Variants in MS4A4A observed in about 807,000 individuals in gnomAD.
MS4A4A encodes membrane-spanning 4-domains subfamily A member 4A.
MS4A4A carries 26 observed loss-of-function variants against 28.0 expected under a neutral mutation model. The ratio of observed to expected loss-of-function variants is 0.93; its 90% CI spans 0.68 to 1.29. The LOEUF (loss-of-function observed/expected upper bound fraction) is 1.29, where lower values mean the gene tolerates loss of function less well. Ranked by LOEUF, MS4A4A falls within the 50% of genes most tolerant of loss-of-function variation. The probability of loss-of-function intolerance (pLI) is 0.00; values close to 1 mark genes in which losing one functional copy is unlikely to be tolerated. For synonymous variants in MS4A4A, 86 were observed against 100.8 expected, an observed-to-expected ratio of 0.85 and a Z score of 0.88; for missense variants, 290 against 293.1, an observed-to-expected ratio of 0.99 and a Z score of 0.08.
intron 1 of MS4A4A, 129 bp downstream of exon 1, chr11:60,280,845 G>A (rs1000137497): frequency 1.5e-5 from 15 of 1,032,980 alleles, no homozygotes; most frequent in Admixed American, 2.4e-5. Context: ...CTGGTATTCA[G>A]GGTTGGGGTG....
chr11:60,280,844 AG>A, intron 1 of MS4A4A, 128 bp downstream of exon 1: 6 of 1,123,862 alleles, frequency 5.3e-6, no homozygotes, highest in Non-Finnish European at 6.4e-6. Context: ...GCTGGTATTC[AG>A]GGTTGGGGTG....
chr11:60,282,737 G>A (rs767809152), intron 1 of MS4A4A: 145 of 1,269,778 alleles, frequency 1.1e-4, no homozygotes, highest in South Asian at 2.8e-4. Context: ...AGAGAGATTC[G>A]AGGTAAGACT....
At chr11:60,307,480 C>T (rs755574350) in intron 6 of MS4A4A, among the ~76,000 whole-genome samples, 7 of 152,108 alleles carry the variant, frequency 4.6e-5, no homozygotes, top group Non-Finnish European at 8.8e-5. Context: ...CAAACTCTTT[C>T]GTAAGTTTCA....
At position 60,297,300 on chromosome 11, in the gene MS4A4A, G is replaced by T. The variant is rs1157326113; in HGVS notation, c.305G>T (p.Gly102Val). Reference sequence around the variant, plus strand: ...AGTAACCCTATTTCCGTGTATATCGGGTACACAATTTGGGGGTCAGTAATG... The same window carrying T: ...AGTAACCCTATTTCCGTGTATATCGTGTACACAATTTGGGGGTCAGTAATG... ...YGSNPISVYI[G>V]YTIWGSVMFI... The change falls in exon 3 of 7, where the codon GGG (glycine) becomes GTG (valine). Residue 102 changes from glycine (G) to valine (V), a missense_variant. Physicochemically the swap from Gly to Val is moderately radical, Grantham distance 109 (BLOSUM62 -3). Transcript: ENST00000337908. 1.2e-6 allele frequency: 2 copies of T among 1,613,196 alleles called. No individual in the cohort carries two copies. The highest frequency in any genetic ancestry group is 2.2e-5 in the East Asian group (1 of 44,868).
rs959383724 is a variant in MS4A4A, at chr11:60,308,321, CTG to C, written c.*151_*152del. 21 of 721,178 alleles carry C rather than the reference CTG, an allele frequency of 2.9e-5. No individual in the cohort carries two copies. The African/African-American group carries it at 3.0e-4, about 10-fold the overall frequency. 44.7% of individuals were successfully genotyped at this position (721,178 alleles called of 1,614,324 possible). On this transcript the variant is annotated 3_prime_UTR_variant, in exon 7 of 7. Transcript: ENST00000337908. ...TTATTATATGTAATCCAATTATGAACTGTGTGTGTATAGAGAGATAATAAATT... is the reference window on the plus strand; with the variant it reads ...TTATTATATGTAATCCAATTATGAACTGTGTGTATAGAGAGATAATAAATT...
At chr11:60,294,892 ACTTCTTCTTCTTCTTCTT>A (rs71036569) in intron 2 of MS4A4A, among the ~76,000 whole-genome samples, 1,847 of 130,902 alleles carry the variant, frequency 0.014, 41 homozygotes, top group Admixed American at 0.045. Context: ...TACAACTACT[ACTTCTTCTTCTTCTTCTT>A]CTTCTTCTTC....
chr11:60,301,267 C>T lies in MS4A4A; in HGVS notation c.387+210C>T, dbSNP rs112460988. 3.7e-3 allele frequency among the ~76,000 whole-genome samples: 563 copies of T among 152,196 alleles called. 3 individuals carry two copies. Among genetic ancestry groups the T allele is most frequent in the African/African-American group, 0.013 (550 of 41,540 alleles). On this transcript the variant is annotated intron_variant, in intron 4 of 6. Transcript: ENST00000337908. ...TATTTTGGCAAGGTAGGGAATCTTACGCTTGTGGAGGGAATCTTTTTGAAG... is the reference window on the plus strand; with the variant it reads ...TATTTTGGCAAGGTAGGGAATCTTATGCTTGTGGAGGGAATCTTTTTGAAG...
At chr11:60,297,356 G>A (rs1163298865) in intron 3 of MS4A4A, 31 bp downstream of exon 3, 27 of 1,609,280 alleles carry the variant, frequency 1.7e-5, no homozygotes, top group Non-Finnish European at 2.2e-5. Flanking sequence ...TATAATTGAA[G>A]ATAACATAAA....
chr11:60,290,995 C>G (rs1014809349), intron 1 of MS4A4A, among the ~76,000 whole-genome samples: 4 of 151,784 alleles, frequency 2.6e-5, no homozygotes, highest in Non-Finnish European at 5.9e-5. Flanking sequence ...TAAGTGGTAT[C>G]AAAATTAACT....
intron 5 of MS4A4A, among the ~76,000 whole-genome samples, chr11:60,303,511 C>CA (rs1197610719): frequency 2.4e-4 from 36 of 152,268 alleles, no homozygotes; most frequent in African/African-American, 8.4e-4. Context: ...AGTTCAAGAC[C>CA]AGCCTGGCCA....
intron 1 of MS4A4A, among the ~76,000 whole-genome samples, chr11:60,284,121 T>C (rs1157023010): frequency 6.6e-6 from 1 of 152,238 alleles, no homozygotes; most frequent in African/African-American, 2.4e-5. Context: ...AGTTCTGGAA[T>C]TACATCACCT....
At chr11:60,291,812 A>AAC (rs1294371022) in intron 1 of MS4A4A, among the ~76,000 whole-genome samples, 9 of 151,932 alleles carry the variant, frequency 5.9e-5, no homozygotes, top group African/African-American at 1.7e-4. Flanking sequence ...AAAAAAACAA[A>AAC]AAAACAAAAC....
chr11:60,307,407 A>G (rs1471705277), intron 6 of MS4A4A, among the ~76,000 whole-genome samples: 1 of 152,192 alleles, frequency 6.6e-6, no homozygotes. Flanking sequence ...ATTACCAATG[A>G]TTTTATAATT....
intron 6 of MS4A4A, among the ~76,000 whole-genome samples, chr11:60,307,775 T>C (rs2085017623): frequency 6.6e-6 from 1 of 152,184 alleles, no homozygotes; most frequent in Non-Finnish European, 1.5e-5. Context: ...GTCATCAGCA[T>C]GAACAACCTG....
At chr11:60,283,106 T>A (rs1186601021) in intron 1 of MS4A4A, among the ~76,000 whole-genome samples, 1 of 152,188 alleles carries the variant, frequency 6.6e-6, no homozygotes, top group East Asian at 1.9e-4. Flanking sequence ...CTATCAGATA[T>A]TTTTGAGACA....
At chr11:60,285,247 T>C (rs960030770) in intron 1 of MS4A4A, among the ~76,000 whole-genome samples, 3 of 152,172 alleles carry the variant, frequency 2.0e-5, no homozygotes, top group Non-Finnish European at 4.4e-5. Context: ...CTCACTCTTG[T>C]AATCCCAGCA....
chr11:60,280,787 C>A, intron 1 of MS4A4A, 71 bp downstream of exon 1: 3 of 1,570,718 alleles, frequency 1.9e-6, no homozygotes, highest in South Asian at 2.2e-5. Flanking sequence ...TTAAGAATTT[C>A]TGGGAGGGGA....
At chr11:60,291,376 C>G (rs1327297022) in intron 1 of MS4A4A, among the ~76,000 whole-genome samples, 3 of 152,110 alleles carry the variant, frequency 2.0e-5, no homozygotes, top group African/African-American at 7.2e-5. Flanking sequence ...TCACACTCAG[C>G]AAGGAGGAAC....
At position 60,301,066 on chromosome 11, in the gene MS4A4A, T is replaced by C. The variant is rs1191268964; in HGVS notation, c.387+9T>C. The C allele has an allele frequency of 6.3e-6, 10 of 1,577,628 alleles. No homozygotes were observed. The highest frequency in any genetic ancestry group is 8.6e-6 in the Non-Finnish European group (10 of 1,163,418). ...GAACTACAAAAGGCCTGGTGAGTAA[T>C]ATTTTCTTTTTTTGGTATCAAAAAA... On this transcript the variant is annotated intron_variant, in intron 4 of 6. Coordinates refer to ENST00000337908, the MANE Select transcript of MS4A4A (RefSeq NM_148975.3).
Sources: allele counts gnomAD v4.1 joint callset (sites outside exome capture counted in the v4.1 genomes callset), GRCh38; gene constraint gnomAD v4.1.1; transcripts MANE v1.5; gene names NCBI Gene and HGNC (gene_info 2026-07-23, HGNC 2026-07-21).